Variants in GRIN3A observed in about 807,000 individuals in gnomAD.
The protein encoded by GRIN3A is glutamate receptor ionotropic, NMDA 3A.
In GRIN3A, 47 loss-of-function variants were observed where a neutral mutation model predicts 92.4. The observed-to-expected ratio is 0.51, with a 90% CI of 0.40 to 0.65. GRIN3A has a LOEUF of 0.65. Among genes scored for constraint, GRIN3A ranks in the 30% least tolerant of loss-of-function variants. The pLI, the probability that GRIN3A is intolerant of heterozygous loss-of-function variation, is 0.00. For missense variants in GRIN3A, 1,324 were observed against 1,393.1 expected, an observed-to-expected ratio of 0.95 and a Z score of 0.79; for synonymous variants, 527 against 540.6, an observed-to-expected ratio of 0.97 and a Z score of 0.35.
intron 6 of GRIN3A, among the ~76,000 whole-genome samples, chr9:101,584,214 A>G (rs994696336): frequency 1.3e-5 from 2 of 152,140 alleles, no homozygotes; most frequent in African/African-American, 4.8e-5. Context: ...TCCTTCACAA[A>G]CTTACTCTAG....
At chr9:101,640,147 A>G (rs1828836460) in intron 3 of GRIN3A, among the ~76,000 whole-genome samples, 1 of 152,188 alleles carries the variant, frequency 6.6e-6, no homozygotes, top group Non-Finnish European at 1.5e-5. Flanking sequence ...CATATATACT[A>G]TATAGTGTAT....
intron 3 of GRIN3A, among the ~76,000 whole-genome samples, chr9:101,653,612 C>A (rs916379761): frequency 3.3e-5 from 5 of 151,792 alleles, no homozygotes; most frequent in Non-Finnish European, 7.4e-5. Flanking sequence ...TTAATACTCA[C>A]CCTAAAACCA....
intron 8 of GRIN3A, among the ~76,000 whole-genome samples, chr9:101,576,009 A>G (rs1056978607): frequency 2.0e-5 from 3 of 152,212 alleles, no homozygotes; most frequent in African/African-American, 7.2e-5. Flanking sequence ...ATCACCAGGC[A>G]TCTGATATTT....
intron 3 of GRIN3A, among the ~76,000 whole-genome samples, chr9:101,658,403 T>G (rs1829119764): frequency 1.3e-5 from 2 of 152,092 alleles, no homozygotes; most frequent in Middle Eastern, 3.4e-3. Context: ...AGGCTGATGG[T>G]TAATCATCAT....
chr9:101,585,692 C>T (rs182719631), intron 6 of GRIN3A, among the ~76,000 whole-genome samples: 4 of 152,240 alleles, frequency 2.6e-5, no homozygotes, highest in African/African-American at 9.6e-5. Flanking sequence ...ATTCAACATC[C>T]CACCACCTCC....
At chr9:101,584,154 T>G (rs928581974) in intron 6 of GRIN3A, among the ~76,000 whole-genome samples, 2 of 152,160 alleles carry the variant, frequency 1.3e-5, no homozygotes, top group Non-Finnish European at 2.9e-5. Context: ...ACCCGGCTAG[T>G]CCCAGGATTG....
chr9:101,678,134 A>G (rs1234193303), intron 2 of GRIN3A, among the ~76,000 whole-genome samples: 1 of 152,144 alleles, frequency 6.6e-6, no homozygotes, highest in Non-Finnish European at 1.5e-5. Context: ...GTGCTTGGCC[A>G]GGGTAACTGC....
intron 5 of GRIN3A, among the ~76,000 whole-genome samples, chr9:101,621,894 A>G (rs1360068582): frequency 6.6e-6 from 1 of 152,248 alleles, no homozygotes; most frequent in Non-Finnish European, 1.5e-5. Context: ...AATAAAATGT[A>G]ACATCCCCAG....
chr9:101,643,877 G>T (rs1440861236), intron 3 of GRIN3A, among the ~76,000 whole-genome samples: 3 of 151,662 alleles, frequency 2.0e-5, no homozygotes, highest in Non-Finnish European at 4.4e-5. Flanking sequence ...AGAGTAGAAT[G>T]GTGGTTGCCA....
chr9:101,581,351 G>A (rs565183791), intron 6 of GRIN3A, among the ~76,000 whole-genome samples: 1 of 152,262 alleles, frequency 6.6e-6, no homozygotes, highest in Admixed American at 6.5e-5. Context: ...TGTGGCTGAA[G>A]GAAAAGTATA....
chr9:101,596,738 T>C (rs947068888), intron 6 of GRIN3A, among the ~76,000 whole-genome samples: 1 of 152,208 alleles, frequency 6.6e-6, no homozygotes, highest in Non-Finnish European at 1.5e-5. Flanking sequence ...AGTAAAAGAA[T>C]CTACCTCTAA....
chr9:101,649,254 C>A (rs909355524), intron 3 of GRIN3A, among the ~76,000 whole-genome samples: 1 of 151,148 alleles, frequency 6.6e-6, no homozygotes, highest in African/African-American at 2.4e-5. Flanking sequence ...TGTGGAAAAT[C>A]TGGCTAGGGT....
At chr9:101,723,469 A>G (rs1219578510) in intron 1 of GRIN3A, among the ~76,000 whole-genome samples, 1 of 152,202 alleles carries the variant, frequency 6.6e-6, no homozygotes, top group Non-Finnish European at 1.5e-5. Flanking sequence ...AAGAGTGAGC[A>G]GTAGCAAGAT....
intron 6 of GRIN3A, among the ~76,000 whole-genome samples, chr9:101,611,711 A>G (rs958825519): frequency 6.6e-6 from 1 of 152,248 alleles, no homozygotes; most frequent in Non-Finnish European, 1.5e-5. Flanking sequence ...AGTTTAATGA[A>G]GGGACACACT....
Position 101,669,173 on chromosome 9 carries a change from C to T in GRIN3A, c.2352+887G>A, listed in dbSNP as rs141149667. On this transcript the variant is annotated intron_variant, in intron 3 of 8. Transcript: ENST00000361820. ...TGTTTCCCATCAGGACTGCAGTACTCCCCTGAGCTCTGTTCTAATTGCCCT... is the reference window on the plus strand; with the variant it reads ...TGTTTCCCATCAGGACTGCAGTACTTCCCTGAGCTCTGTTCTAATTGCCCT... Among the ~76,000 whole-genome samples the T allele has an allele frequency of 7.0e-4, 107 of 152,234 alleles. 2 individuals are homozygous for T. In the East Asian group the frequency reaches 0.02, roughly 28 times the overall value.
intron 6 of GRIN3A, among the ~76,000 whole-genome samples, chr9:101,588,644 T>C (rs1827979973): frequency 6.6e-6 from 1 of 152,220 alleles, no homozygotes; most frequent in Non-Finnish European, 1.5e-5. Flanking sequence ...CCTTGTACTA[T>C]AAAACAATTA....
chr9:101,639,852 C>A (rs998395502), intron 3 of GRIN3A, among the ~76,000 whole-genome samples: 2 of 152,106 alleles, frequency 1.3e-5, no homozygotes, highest in Non-Finnish European at 2.9e-5. Context: ...CTCCTAAAAG[C>A]AAATCATCAG....
At chr9:101,586,087 C>G (rs1326261221) in intron 6 of GRIN3A, among the ~76,000 whole-genome samples, 1 of 152,190 alleles carries the variant, frequency 6.6e-6, no homozygotes, top group African/African-American at 2.4e-5. Flanking sequence ...CCCTCACTTT[C>G]TTTAGGTTTC....
intron 5 of GRIN3A, among the ~76,000 whole-genome samples, chr9:101,621,869 T>G (rs1301534523): frequency 6.6e-6 from 1 of 152,216 alleles, no homozygotes; most frequent in Non-Finnish European, 1.5e-5. Flanking sequence ...AGTTACCCAG[T>G]GCATCTAGGA....
Sources: gnomAD v4.1 joint callset for allele counts (sites outside exome capture counted in the v4.1 genomes callset) on GRCh38, gnomAD v4.1.1 for gene constraint, MANE v1.5 for transcripts, NCBI Gene and HGNC (gene_info 2026-07-23, HGNC 2026-07-21) for gene names.